The following ZNF658 variants were observed in gnomAD, a reference collection of about 807,000 sequenced individuals.
ZNF658 encodes zinc finger protein 658.
ZNF658 carries 46 observed loss-of-function variants against 78.0 expected under a neutral mutation model. The ratio of observed to expected loss-of-function variants is 0.59; its 90% CI spans 0.47 to 0.75. The LOEUF is 0.75. Ranked by LOEUF, ZNF658 falls within the 30% of genes least tolerant of loss-of-function variation. The pLI is 0.00. For missense variants in ZNF658, 785 were observed against 1,189.3 expected, an observed-to-expected ratio of 0.66 and a Z score of 5.00; for synonymous variants, 279 against 408.4, an observed-to-expected ratio of 0.68 and a Z score of 3.82.
chr9:66,905,141 T>A lies in ZNF658; in HGVS notation c.15+1565T>A, dbSNP rs1401780817. 2.2e-5 allele frequency among the ~76,000 whole-genome samples: 3 copies of A among 138,954 alleles called. No individual in the cohort carries two copies. The Admixed American group carries it at 2.4e-4, about 11-fold the overall frequency. 91.2% of individuals were successfully genotyped at this position (138,954 alleles called of 152,430 possible). ...CCCAGGCTGGAGTGCAGTGGCATGA[T>A]CTCGGCTCACTGTAACCTCCACCTT... is the stretch of plus-strand genomic sequence containing the variant. On this transcript the variant is annotated intron_variant, in intron 2 of 4. Coordinates refer to ENST00000621410, the MANE Select transcript of ZNF658 (RefSeq NM_033160.7).
chr9:66,904,252 CCCTA>C (rs1352426002), intron 2 of ZNF658, among the ~76,000 whole-genome samples: 1 of 152,040 alleles, frequency 6.6e-6, no homozygotes, highest in Non-Finnish European at 1.5e-5. Flanking sequence ...CCTCCAGTGT[CCCTA>C]CCCATAGTAT....
rs565628856 is a variant in ZNF658, at chr9:66,900,770, C to G, written c.-111C>G. The G allele has an allele frequency of 1.3e-5, 2 of 152,302 alleles. No homozygotes were observed. The highest frequency in any genetic ancestry group is 4.1e-4 in the South Asian group (2 of 4,834). The allele number at this position is 152,302 out of a possible 1,614,324, so 9.4% of individuals were successfully genotyped here. A position where few individuals can be genotyped will look rare whatever the true frequency, so the allele number is the denominator to read the frequency against. ...CCCCACCTCCTGCCGTCTGCCCTCC[C>G]GGGCCTGAAAGGGACACGGTGTCCG... is the stretch of plus-strand genomic sequence containing the variant. On this transcript the variant is annotated 5_prime_UTR_variant, in exon 1 of 5. Transcript: ENST00000621410.
chr9:66,902,691 C>A (rs550178050), intron 1 of ZNF658, among the ~76,000 whole-genome samples: 1 of 150,664 alleles, frequency 6.6e-6, no homozygotes, highest in African/African-American at 2.4e-5. Flanking sequence ...CTAATGCTGC[C>A]TCTTTCCGGG....
intron 6 of ZNF658, among the ~76,000 whole-genome samples, chr9:66,929,941 G>A (rs1214131547): frequency 3.7e-5 from 5 of 136,238 alleles, no homozygotes; most frequent in Admixed American, 7.9e-5. Flanking sequence ...CCGCCACCAC[G>A]CCCAGCTAAT....
rs753044023 is a variant in ZNF658 at position 66,918,670 on chromosome 9, T to C, written c.1104T>C (p.Phe368=). Residue 368 remains phenylalanine (F), a synonymous_variant, in exon 5 of 5, where the codon TTT becomes TTC. Transcript: ENST00000621410. ...CTDALYQKLD[F]TAHQRIHTED... ...ATGCCCTCTACCAGAAATTAGACTT[T>C]ACAGCACATCAGAGAATTCACACAG... 3 of 1,613,862 alleles carry C rather than the reference T, an allele frequency of 1.9e-6. No homozygotes were observed. The highest frequency in any genetic ancestry group is 2.5e-6 in the Non-Finnish European group (3 of 1,179,840).
chr9:66,925,615 C>T (rs1052934165), downstream of ZNF658, among the ~76,000 whole-genome samples: 3 of 151,996 alleles, frequency 2.0e-5, no homozygotes, highest in Non-Finnish European at 4.4e-5. Context: ...CCCAACAAAG[C>T]AAAGCCTCCG....
Position 66,919,605 on chromosome 9 carries a change from A to G in ZNF658, c.2039A>G (p.His680Arg). Residue 680 changes from histidine to arginine, a missense_variant, in exon 5 of 5, where the codon CAC (histidine) becomes CGC (arginine). Coordinates refer to ENST00000621410, the MANE Select transcript of ZNF658 (RefSeq NM_033160.7). ...NSALRAHQRIHTGRKPYECSD... is the reference protein window; with the variant it reads ...NSALRAHQRIRTGRKPYECSD... The stretch of plus-strand genomic sequence containing the variant: ...GCCCTGAGAGCACATCAGAGAATTC[A>G]CACAGGTAGAAAACCCTATGAATGT... The G allele has an allele frequency of 6.2e-7, 1 of 1,610,106 alleles. No homozygotes were observed. The highest frequency in any genetic ancestry group is 8.5e-7 in the Non-Finnish European group (1 of 1,178,792).
intron 4 of ZNF658, among the ~76,000 whole-genome samples, chr9:66,914,892 C>T (rs999817104): frequency 1.3e-5 from 2 of 152,066 alleles, no homozygotes; most frequent in African/African-American, 4.8e-5. Flanking sequence ...TTTGCCTAAT[C>T]TTGCTATGAG....
At chr9:66,901,421 C>T (rs983755554) in intron 1 of ZNF658, among the ~76,000 whole-genome samples, 18 of 151,982 alleles carry the variant, frequency 1.2e-4, no homozygotes, top group Admixed American at 2.6e-4. Context: ...CTAAAGCCTT[C>T]AGAGCGCTTA....
At chr9:66,905,050 C>CTTTTTTTTTTT (rs1564168780) in intron 2 of ZNF658, among the ~76,000 whole-genome samples, 1 of 72,376 alleles carries the variant, frequency 1.4e-5, no homozygotes, top group Non-Finnish European at 2.8e-5. Flanking sequence ...TTTCTTTTTT[C>CTTTTTTTTTTT]TTTTCTCTTT....
rs150872378 is a variant in ZNF658 at position 66,919,464 on chromosome 9, A to G, written c.1898A>G (p.Asn633Ser). 336 of 1,605,240 alleles carry G rather than the reference A, an allele frequency of 2.1e-4. 1 individual carries two copies. The highest frequency in any genetic ancestry group is 2.7e-4 in the Non-Finnish European group (317 of 1,177,954). ...ACGGGGGAGAAACCTTATGAATGTAATGAATGTGGAAGGTCTTTTGCCCAT... is the reference window on the plus strand; with the variant it reads ...ACGGGGGAGAAACCTTATGAATGTAGTGAATGTGGAAGGTCTTTTGCCCAT... ...IHTGEKPYEC[N>S]ECGRSFAHIS... Residue 633 changes from asparagine to serine, a missense_variant, in exon 5 of 5, where the codon AAT becomes AGT. Coordinates refer to ENST00000621410, the MANE Select transcript of ZNF658 (RefSeq NM_033160.7).
chr9:66,931,562 A>G (rs1431275090), intron 6 of ZNF658, among the ~76,000 whole-genome samples: 1 of 151,030 alleles, frequency 6.6e-6, no homozygotes, highest in African/African-American at 2.4e-5. Flanking sequence ...ATTCTCAACA[A>G]TAATCCTACG....
In ZNF658 at chr9:66,920,423, C is replaced by T. The variant is rs771598265; in HGVS notation, c.2857C>T (p.Leu953Phe). 5 of 1,610,472 alleles carry T rather than the reference C, an allele frequency of 3.1e-6. No homozygotes were observed. Among genetic ancestry groups the T allele is most frequent in the Non-Finnish European group, 4.2e-6 (5 of 1,179,434 alleles). Residue 953 changes from leucine to phenylalanine, a missense_variant, in exon 5 of 5, where the codon CTC becomes TTC. This residue lies in a region of ZNF658 where 85 missense variants were observed against 108.6 expected (regional missense o/e 0.78). Transcript: ENST00000621410. ...CGKPFAHNST[L>F]RVHQRIHTGE... ...GAAGCCATTTGCCCATAATTCAACCCTCAGAGTACATCAAAGAATTCACAC... is the reference window on the plus strand; with the variant it reads ...GAAGCCATTTGCCCATAATTCAACCTTCAGAGTACATCAAAGAATTCACAC...
At chr9:66,916,163 C>G (rs1250957514) in intron 4 of ZNF658, among the ~76,000 whole-genome samples, 7 of 152,104 alleles carry the variant, frequency 4.6e-5, no homozygotes, top group African/African-American at 1.7e-4. Context: ...GATGGGATTA[C>G]AGGCGTGAGC....
rs1394448119 is a variant in ZNF658, at chr9:66,918,099, A to C, written c.533A>C (p.Lys178Thr). Residue 178 changes from lysine to threonine, a missense_variant, in exon 5 of 5, where the codon AAG becomes ACG. By Grantham distance (78) the Lys-to-Thr change is moderately conservative. Around this residue, in one of 12 missense-constraint regions of ZNF658, gnomAD observed 393 missense variants for 400.2 expected, o/e 0.98. Coordinates refer to ENST00000621410, the MANE Select transcript of ZNF658 (RefSeq NM_033160.7). ...NVCEKLQLDI[K>T]HEKAHAEEKS... The stretch of plus-strand genomic sequence containing the variant: ...TGTGAGAAACTGCAGCTTGATATTA[A>C]GCATGAGAAAGCTCATGCTGAAGAG... 2.5e-6 allele frequency: 4 copies of C among 1,588,344 alleles called. No individual in the cohort carries two copies. The highest frequency in any genetic ancestry group is 3.4e-6 in the Non-Finnish European group (4 of 1,171,482).
chr9:66,921,604 A>G (rs1822528615), downstream of ZNF658, among the ~76,000 whole-genome samples: 1 of 152,134 alleles, frequency 6.6e-6, no homozygotes. Flanking sequence ...TGAAGTTAAA[A>G]ATGGAATAAT....
chr9:66,911,399 T>A (rs1274401175), intron 4 of ZNF658, among the ~76,000 whole-genome samples: 2 of 71,822 alleles, frequency 2.8e-5, no homozygotes, highest in Non-Finnish European at 5.2e-5. Flanking sequence ...TAATGCAATT[T>A]TGGATTTGAT....
chr9:66,925,624 C>T (rs7020152), downstream of ZNF658, among the ~76,000 whole-genome samples: 1,935 of 152,080 alleles, frequency 0.013, 44 homozygotes, highest in African/African-American at 0.044. Context: ...GCAAAGCCTC[C>T]GACCTGATGA....
chr9:66,904,933 C>T (rs1822037406), intron 2 of ZNF658, among the ~76,000 whole-genome samples: 1 of 151,870 alleles, frequency 6.6e-6, no homozygotes, highest in African/African-American at 2.4e-5. Context: ...TCCATAGTTT[C>T]TCATTATAAA....
Sources: gnomAD v4.1 joint callset for allele counts (sites outside exome capture counted in the v4.1 genomes callset) on GRCh38, gnomAD v4.1.1 for gene constraint, gnomAD v4.1.1 regional missense constraint, MANE v1.5 for transcripts, NCBI Gene and HGNC (gene_info 2026-07-23, HGNC 2026-07-21) for gene names.